Variants in LRP1B observed in about 807,000 individuals in gnomAD.
LRP1B encodes the protein LDL receptor related protein 1B.
LRP1B carries 217 observed loss-of-function variants against 556.6 expected under a neutral mutation model. The ratio of observed to expected loss-of-function variants is 0.39; its 90% CI spans 0.35 to 0.44. The LOEUF (loss-of-function observed/expected upper bound fraction) is 0.44. Ranked by LOEUF, LRP1B falls within the 20% of genes least tolerant of loss-of-function variation. LRP1B has a pLI of 1.00. For missense variants in LRP1B, 5,053 were observed against 5,620.8 expected (o/e 0.90, Z 3.23); for synonymous variants, 2,047 against 1,865.8 (o/e 1.10, Z -2.50).
intron 3 of LRP1B, among the ~76,000 whole-genome samples, chr2:141,387,905 A>G (rs1183942068): frequency 6.6e-6 from 1 of 152,146 alleles, no homozygotes; most frequent in Non-Finnish European, 1.5e-5. Context: ...AAAACAATCA[A>G]ACAAACAGAA....
At chr2:141,602,154 T>G (rs1340649906) in intron 2 of LRP1B, among the ~76,000 whole-genome samples, 2 of 152,182 alleles carry the variant, frequency 1.3e-5, no homozygotes, top group African/African-American at 2.4e-5. Context: ...TTTCTAGTTT[T>G]CAATTTCATA....
At chr2:141,496,443 C>T (rs758861835) in intron 2 of LRP1B, among the ~76,000 whole-genome samples, 2 of 152,156 alleles carry the variant, frequency 1.3e-5, no homozygotes, top group East Asian at 3.9e-4. Context: ...TAAAGTGTAA[C>T]GTTCTAATGC....
At chr2:140,737,931 T>C (rs1688002902) in intron 35 of LRP1B, among the ~76,000 whole-genome samples, 1 of 152,164 alleles carries the variant, frequency 6.6e-6, no homozygotes, top group East Asian at 1.9e-4. Flanking sequence ...AGGTACATAG[T>C]ATGCAGCCAT....
intron 84 of LRP1B, among the ~76,000 whole-genome samples, chr2:140,283,119 G>A (rs1165092569): frequency 6.6e-6 from 1 of 151,606 alleles, no homozygotes; most frequent in Non-Finnish European, 1.5e-5. Context: ...CATCTAGCAT[G>A]GCTTAGGAGT....
At chr2:141,390,451 A>C (rs527844776) in intron 3 of LRP1B, among the ~76,000 whole-genome samples, 28 of 152,352 alleles carry the variant, frequency 1.8e-4, no homozygotes, top group African/African-American at 5.8e-4. Flanking sequence ...GTACATATCC[A>C]AAATAGTTTA....
intron 2 of LRP1B, among the ~76,000 whole-genome samples, chr2:141,552,551 T>G (rs1478070124): frequency 6.6e-6 from 1 of 152,070 alleles, no homozygotes; most frequent in Admixed American, 6.6e-5. Context: ...TTCCACAGCT[T>G]ACCTAGTATC....
At chr2:141,380,648 G>A (rs1298051254) in intron 3 of LRP1B, among the ~76,000 whole-genome samples, 1 of 152,140 alleles carries the variant, frequency 6.6e-6, no homozygotes, top group African/African-American at 2.4e-5. Flanking sequence ...ACATGTGCAT[G>A]TATTTCCCAC....
At chr2:141,838,239 T>C (rs912472946) in intron 1 of LRP1B, among the ~76,000 whole-genome samples, 1 of 144,636 alleles carries the variant, frequency 6.9e-6, no homozygotes, top group Non-Finnish European at 1.6e-5. Flanking sequence ...CAAATAAAAT[T>C]AACAAGGAAG....
chr2:141,211,524 G>A (rs573371908), intron 6 of LRP1B, among the ~76,000 whole-genome samples: 10 of 152,034 alleles, frequency 6.6e-5, no homozygotes, highest in African/African-American at 1.2e-4. Context: ...GGAGGCTGAG[G>A]CAGAATTGCT....
chr2:140,405,531 A>G (rs1684692371), intron 66 of LRP1B, among the ~76,000 whole-genome samples: 1 of 152,194 alleles, frequency 6.6e-6, no homozygotes, highest in African/African-American at 2.4e-5. Flanking sequence ...TGGAAACATT[A>G]CAACCAACAC....
At chr2:141,014,302 T>C (rs1697840221) in intron 13 of LRP1B, among the ~76,000 whole-genome samples, 1 of 152,090 alleles carries the variant, frequency 6.6e-6, no homozygotes, top group Non-Finnish European at 1.5e-5. Context: ...CACAGACACA[T>C]TTATTATTAG....
At chr2:141,178,166 C>T (rs1350026053) in intron 7 of LRP1B, among the ~76,000 whole-genome samples, 2 of 152,156 alleles carry the variant, frequency 1.3e-5, no homozygotes, top group East Asian at 1.9e-4. Context: ...ATACACAGAG[C>T]CCCAGGGGCA....
intron 25 of LRP1B, among the ~76,000 whole-genome samples, chr2:140,873,680 G>A (rs1027552686): frequency 4.0e-5 from 6 of 151,858 alleles, no homozygotes; most frequent in African/African-American, 1.5e-4. Flanking sequence ...TTAGGTAAAT[G>A]TAATGGGATA....
intron 32 of LRP1B, among the ~76,000 whole-genome samples, chr2:140,798,167 G>A (rs1003583975): frequency 1.3e-5 from 2 of 152,038 alleles, no homozygotes; most frequent in Non-Finnish European, 2.9e-5. Context: ...ACAGGGAATT[G>A]TTACCTGTTT....
chr2:141,660,520 G>A (rs1690175637), intron 2 of LRP1B, among the ~76,000 whole-genome samples: 2 of 152,100 alleles, frequency 1.3e-5, no homozygotes, highest in African/African-American at 4.8e-5. Flanking sequence ...TTGGACCCAG[G>A]AAGAATTCCC....
chr2:141,491,050 T>C (rs1468618472), intron 2 of LRP1B, among the ~76,000 whole-genome samples: 2 of 151,782 alleles, frequency 1.3e-5, no homozygotes, highest in Non-Finnish European at 1.5e-5. Context: ...ATGAAAACAA[T>C]GAATCAGTCC....
Position 140,545,880 on chromosome 2 carries a change from C to T in LRP1B, c.7195-3909G>A, listed in dbSNP as rs558525758. Reference sequence around the variant, plus strand: ...GGCCATTTTTAAAATATTGATTATTCGTATCCATGAGCATGGAATGTTTTT... The same window carrying T: ...GGCCATTTTTAAAATATTGATTATTTGTATCCATGAGCATGGAATGTTTTT... On this transcript the variant is annotated intron_variant, in intron 43 of 90. Transcript: ENST00000389484. 1.2e-3 allele frequency among the ~76,000 whole-genome samples: 187 copies of T among 151,924 alleles called. 3 individuals are homozygous for T. In the South Asian group the frequency reaches 0.038, roughly 31 times the overall value.
chr2:140,587,594 T>C (rs542965267), intron 43 of LRP1B, among the ~76,000 whole-genome samples: 8 of 152,070 alleles, frequency 5.3e-5, no homozygotes, highest in Non-Finnish European at 8.8e-5. Context: ...GGGAATAAGA[T>C]GTTGGTCAAA....
chr2:141,068,570 A>G (rs1031930188), intron 7 of LRP1B, among the ~76,000 whole-genome samples: 8 of 151,632 alleles, frequency 5.3e-5, no homozygotes, highest in African/African-American at 1.9e-4. Context: ...AAAAAAAAAA[A>G]AAAAAAAGGA....
Sources: gnomAD v4.1 joint callset for allele counts (sites outside exome capture counted in the v4.1 genomes callset) on GRCh38, gnomAD v4.1.1 for gene constraint, MANE v1.5 for transcripts, NCBI Gene and HGNC (gene_info 2026-07-23, HGNC 2026-07-21) for gene names.